MECOM: variants seen among roughly 807,000 people sequenced by gnomAD.
MECOM encodes MDS1 and EVI1 complex locus, also known as histone-lysine N-methyltransferase MECOM.
MECOM carries 13 observed loss-of-function variants against 116.3 expected under a neutral mutation model. The ratio of observed to expected loss-of-function variants is 0.11; its 90% CI spans 0.07 to 0.18. The LOEUF is 0.18. Among genes scored for constraint, MECOM ranks in the 10% least tolerant of loss-of-function variants. The probability of loss-of-function intolerance (pLI) is 1.00; values close to 1 mark genes in which losing one functional copy is unlikely to be tolerated. For synonymous variants in MECOM, 528 were observed against 535.2 expected, an observed-to-expected ratio of 0.99 and a Z score of 0.19; for missense variants, 1,299 against 1,509.0, an observed-to-expected ratio of 0.86 and a Z score of 2.31.
At chr3:169,298,786 C>CG (rs1459580226) in intron 2 of MECOM, among the ~76,000 whole-genome samples, 9 of 152,092 alleles carry the variant, frequency 5.9e-5, no homozygotes, top group African/African-American at 2.2e-4. Flanking sequence ...CCTGTACGCA[C>CG]GGGGAAGTGA....
At chr3:169,339,190 C>T (rs577531680) in intron 2 of MECOM, among the ~76,000 whole-genome samples, 1 of 152,224 alleles carries the variant, frequency 6.6e-6, no homozygotes, top group Non-Finnish European at 1.5e-5. Context: ...TATAACTTAC[C>T]ACCTTGCCAG....
At chr3:169,151,195 G>C (rs13090186) in intron 2 of MECOM, among the ~76,000 whole-genome samples, 14,772 of 152,188 alleles carry the variant, frequency 0.097, 938 homozygotes, top group Non-Finnish European at 0.14. Flanking sequence ...TTAAAGGAAA[G>C]AAAAGCAGTC....
chr3:169,198,690 T>A (rs1278261058), intron 2 of MECOM, among the ~76,000 whole-genome samples: 3 of 152,022 alleles, frequency 2.0e-5, no homozygotes, highest in Admixed American at 2.0e-4. Flanking sequence ...CTCTTCCCCA[T>A]AAAATTTTTA....
intron 1 of MECOM, among the ~76,000 whole-genome samples, chr3:169,635,232 C>A (rs1772588687): frequency 6.6e-6 from 1 of 152,202 alleles, no homozygotes; most frequent in Non-Finnish European, 1.5e-5. Flanking sequence ...ATAGCAATGT[C>A]TAACTCATAG....
intron 16 of MECOM, among the ~76,000 whole-genome samples, chr3:169,086,327 G>A (rs972225711): frequency 2.0e-5 from 3 of 152,176 alleles, no homozygotes; most frequent in African/African-American, 7.2e-5. Flanking sequence ...AGAGTTTAAA[G>A]TATGGGTTAA....
chr3:169,152,070 G>T (rs979382452), intron 2 of MECOM, among the ~76,000 whole-genome samples: 1 of 152,106 alleles, frequency 6.6e-6, no homozygotes, highest in African/African-American at 2.4e-5. Context: ...CTCTAAGCAT[G>T]AATGTGAATT....
intron 2 of MECOM, among the ~76,000 whole-genome samples, chr3:169,355,072 G>C (rs1727028581): frequency 6.6e-6 from 1 of 151,920 alleles, no homozygotes. Flanking sequence ...TGCAGTTGCA[G>C]CATTCAATTT....
chr3:169,514,938 G>A (rs1756437961), intron 1 of MECOM, among the ~76,000 whole-genome samples: 1 of 152,158 alleles, frequency 6.6e-6, no homozygotes, highest in Non-Finnish European at 1.5e-5. Flanking sequence ...TGCCTTACTG[G>A]TCAACAATCA....
intron 1 of MECOM, among the ~76,000 whole-genome samples, chr3:169,656,943 T>C (rs1479249411): frequency 6.6e-6 from 1 of 152,256 alleles, no homozygotes; most frequent in Non-Finnish European, 1.5e-5. Flanking sequence ...GAATAATTAG[T>C]AAAACCATAG....
intron 2 of MECOM, among the ~76,000 whole-genome samples, chr3:169,299,857 T>C (rs554794671): frequency 2.6e-5 from 4 of 151,990 alleles, no homozygotes; most frequent in African/African-American, 9.6e-5. Context: ...ACAAATTGCA[T>C]AATTTTTTTT....
chr3:169,088,543 G>C (rs1718604196), intron 16 of MECOM, among the ~76,000 whole-genome samples: 1 of 152,132 alleles, frequency 6.6e-6, no homozygotes, highest in Admixed American at 6.5e-5. Flanking sequence ...TACAACATGA[G>C]ATGACTTGCT....
intron 2 of MECOM, among the ~76,000 whole-genome samples, chr3:169,290,613 G>C (rs1714351279): frequency 6.6e-6 from 1 of 152,148 alleles, no homozygotes; most frequent in Admixed American, 6.5e-5. Flanking sequence ...TGCTGTGGAT[G>C]CAAGTAAAGA....
At chr3:169,337,856 A>T (rs1010776070) in intron 2 of MECOM, among the ~76,000 whole-genome samples, 7 of 152,188 alleles carry the variant, frequency 4.6e-5, no homozygotes, top group African/African-American at 1.7e-4. Flanking sequence ...CTAATGTTTA[A>T]TATAATCTAT....
At chr3:169,147,816 C>G in intron 2 of MECOM, 1 of 676,144 alleles carries the variant, frequency 1.5e-6, no homozygotes, top group Non-Finnish European at 1.7e-6. Context: ...TAGAGAAGTG[C>G]TTTCAGGGGT....
intron 1 of MECOM, among the ~76,000 whole-genome samples, chr3:169,507,659 T>TC (rs1230189799): frequency 1.2e-5 from 1 of 85,388 alleles, no homozygotes; most frequent in Non-Finnish European, 2.4e-5. Flanking sequence ...GCTTTTTTTT[T>TC]TTTTTTTTTT....
At position 169,097,849 on chromosome 3, in the gene MECOM, C is replaced by A. The variant is rs186142701; in HGVS notation, c.2850-2604G>T. 8.3e-3 allele frequency among the ~76,000 whole-genome samples: 529 copies of A among 63,484 alleles called. 3 individuals carry two copies. Among genetic ancestry groups the A allele is most frequent in the African/African-American group, 0.019 (435 of 22,578 alleles). 41.6% of individuals were successfully genotyped at this position (63,484 alleles called of 152,430 possible). A position where few individuals can be genotyped will look rare whatever the true frequency, so the allele number is the denominator to read the frequency against. The stretch of plus-strand genomic sequence containing the variant: ...AAAAAAAAAAAAAAAAAGGTGGATT[C>A]CACTGTCAAGGAGCTTGTGGTCTAC... On this transcript the variant is annotated intron_variant, in intron 12 of 16. Transcript: ENST00000651503.
intron 2 of MECOM, among the ~76,000 whole-genome samples, chr3:169,170,672 G>A (rs1356437105): frequency 6.6e-6 from 1 of 152,080 alleles, no homozygotes; most frequent in Non-Finnish European, 1.5e-5. Flanking sequence ...ATTCCACAAA[G>A]CTTCACAGGG....
chr3:169,368,727 T>A (rs1729595868), intron 2 of MECOM, among the ~76,000 whole-genome samples: 1 of 152,022 alleles, frequency 6.6e-6, no homozygotes, highest in African/African-American at 2.4e-5. Context: ...TTAAGCATCA[T>A]AAAGAATCTC....
chr3:169,465,155 A>G (rs996862952), intron 1 of MECOM, among the ~76,000 whole-genome samples: 9 of 152,126 alleles, frequency 5.9e-5, no homozygotes, highest in Non-Finnish European at 1.2e-4. Flanking sequence ...TGATGTTTTA[A>G]GTTCTTCATT....
Sources: gnomAD v4.1 joint callset for allele counts (sites outside exome capture counted in the v4.1 genomes callset) on GRCh38, gnomAD v4.1.1 for gene constraint, MANE v1.5 for transcripts, NCBI Gene and HGNC (gene_info 2026-07-23, HGNC 2026-07-21) for gene names.